Variants in ROBO1 observed in about 807,000 individuals in gnomAD.
ROBO1 encodes roundabout homolog 1.
Under a neutral mutation model 195.9 loss-of-function variants are expected in ROBO1, and 149 were observed. The ratio of observed to expected loss-of-function variants is 0.76; its 90% confidence interval spans 0.67 to 0.87. The LOEUF is 0.87. ROBO1 is among the 40% of genes least tolerant of loss of function. ROBO1 has a pLI of 0.00. For missense variants in ROBO1, 1,933 were observed against 2,068.3 expected (o/e 0.93, Z 1.27); for synonymous variants, 816 against 733.2 (o/e 1.11, Z -1.82).
At chr3:79,515,538 G>A (rs768251961) in intron 2 of ROBO1, among the ~76,000 whole-genome samples, 1 of 152,068 alleles carries the variant, frequency 6.6e-6, no homozygotes, top group East Asian at 1.9e-4. Flanking sequence ...TATCCTTAGT[G>A]TCTTATTTTT....
At chr3:79,181,816 C>T (rs1439002554) in intron 2 of ROBO1, among the ~76,000 whole-genome samples, 1 of 151,028 alleles carries the variant, frequency 6.6e-6, no homozygotes, top group Non-Finnish European at 1.5e-5. Context: ...GTCCCAGCTA[C>T]TTGGGAGGCT....
At chr3:79,463,405 A>C (rs530060692) in intron 2 of ROBO1, among the ~76,000 whole-genome samples, 2 of 149,858 alleles carry the variant, frequency 1.3e-5, no homozygotes, top group South Asian at 2.1e-4. Flanking sequence ...AAAACAAAAA[A>C]CAAAAAACCA....
intron 3 of ROBO1, among the ~76,000 whole-genome samples, chr3:79,023,765 C>T (rs966323531): frequency 8.3e-6 from 1 of 120,034 alleles, no homozygotes; most frequent in Non-Finnish European, 1.6e-5. Context: ...TGCAGTGGTG[C>T]GATCTCGGCT....
At chr3:78,909,681 ATTTTTCTTT>A (rs2038133671) in intron 4 of ROBO1, among the ~76,000 whole-genome samples, 1 of 151,712 alleles carries the variant, frequency 6.6e-6, no homozygotes, top group Non-Finnish European at 1.5e-5. Context: ...TTTTTATTTC[ATTTTTCTTT>A]TGAAAAATGT....
intron 28 of ROBO1, among the ~76,000 whole-genome samples, chr3:78,607,473 A>C (rs570652861): frequency 2.0e-5 from 3 of 152,258 alleles, no homozygotes; most frequent in African/African-American, 7.2e-5. Flanking sequence ...TTGGCTTCCT[A>C]AAGTGCTAGA....
chr3:79,745,342 T>G (rs1703828932), intron 1 of ROBO1, among the ~76,000 whole-genome samples: 1 of 152,212 alleles, frequency 6.6e-6, no homozygotes, highest in Admixed American at 6.5e-5. Flanking sequence ...GATCTCCAAT[T>G]ACCAAAAACA....
At chr3:79,627,085 A>G (rs1446140171) in intron 1 of ROBO1, among the ~76,000 whole-genome samples, 1 of 152,200 alleles carries the variant, frequency 6.6e-6, no homozygotes, top group Non-Finnish European at 1.5e-5. Context: ...AAAGTCACTT[A>G]TAGATAGAAT....
intron 1 of ROBO1, among the ~76,000 whole-genome samples, chr3:79,721,087 C>CACA (rs1702682421): frequency 6.6e-6 from 1 of 152,150 alleles, no homozygotes; most frequent in Non-Finnish European, 1.5e-5. Flanking sequence ...CCACCACACC[C>CACA]GGCCAAGGAG....
At chr3:78,871,787 T>C (rs2035566138) in intron 4 of ROBO1, among the ~76,000 whole-genome samples, 1 of 151,406 alleles carries the variant, frequency 6.6e-6, no homozygotes, top group African/African-American at 2.4e-5. Context: ...GGTTTCTGGT[T>C]TTATAAAAAA....
Position 79,557,056 on chromosome 3 carries a change from T to C in ROBO1, c.88+32768A>G, listed in dbSNP as rs180866874. ...TTATTTTTGTGGCAGACTATGACTT[T>C]TAATTCAAATAACTCTAATGATATG... is the stretch of plus-strand genomic sequence containing the variant. On this transcript the variant is annotated intron_variant, in intron 2 of 30. Transcript: ENST00000464233. Among the ~76,000 whole-genome samples, 617 of 151,384 alleles carry C rather than the reference T, an allele frequency of 4.1e-3. 2 individuals are homozygous for C. Among genetic ancestry groups the C allele is most frequent in the African/African-American group, 0.013 (528 of 41,460 alleles).
At chr3:79,129,911 T>C (rs1021388050) in intron 2 of ROBO1, among the ~76,000 whole-genome samples, 1 of 140,168 alleles carries the variant, frequency 7.1e-6, no homozygotes, top group Non-Finnish European at 1.5e-5. Context: ...CTAGCCAGTT[T>C]TCCCAGCACC....
At chr3:79,445,564 A>T (rs147261886) in intron 2 of ROBO1, among the ~76,000 whole-genome samples, 6,057 of 133,946 alleles carry the variant, frequency 0.045, 157 homozygotes, top group Middle Eastern at 0.16. Flanking sequence ...TAGTGGTGTG[A>T]TCATGGCTCA....
chr3:79,720,565 A>T (rs1271292456), intron 1 of ROBO1, among the ~76,000 whole-genome samples: 1 of 152,220 alleles, frequency 6.6e-6, no homozygotes, highest in African/African-American at 2.4e-5. Flanking sequence ...GCCATAAATT[A>T]CTGGAAAAAT....
chr3:78,829,452 T>C (rs1383449461), intron 4 of ROBO1, among the ~76,000 whole-genome samples: 1 of 152,190 alleles, frequency 6.6e-6, no homozygotes, highest in Non-Finnish European at 1.5e-5. Context: ...CAAGATTAGC[T>C]CTGTAGGCTT....
chr3:78,996,342 A>AC lies in ROBO1; in HGVS notation c.173-57416_173-57415insG, dbSNP rs1050146928. On this transcript the variant is annotated intron_variant, in intron 3 of 30. Transcript: ENST00000464233. ...ATTAAAAAAACAAAAAAAAAAAACAAAAAAAAAAAACTCCCACTTTATCTC... is the reference window on the plus strand; with the variant it reads ...ATTAAAAAAACAAAAAAAAAAAACAACAAAAAAAAAACTCCCACTTTATCTC... Among the ~76,000 whole-genome samples, 60 of 149,020 alleles carry AC rather than the reference A, an allele frequency of 4.0e-4. 1 individual carries two copies. In the East Asian group the frequency reaches 4.4e-3, roughly 11 times the overall value.
chr3:79,545,040 A>AT (rs1200685768), intron 2 of ROBO1, among the ~76,000 whole-genome samples: 12 of 152,098 alleles, frequency 7.9e-5, no homozygotes, highest in African/African-American at 1.7e-4. Context: ...GATATTTAAT[A>AT]TTTTTTTACC....
chr3:79,010,348 T>G (rs1437194956), intron 3 of ROBO1, among the ~76,000 whole-genome samples: 1 of 152,136 alleles, frequency 6.6e-6, no homozygotes, highest in Non-Finnish European at 1.5e-5. Context: ...GCTTAACTTG[T>G]TGAACCTCAT....
intron 2 of ROBO1, among the ~76,000 whole-genome samples, chr3:79,501,522 C>T (rs924390213): frequency 7.2e-5 from 11 of 152,128 alleles, no homozygotes; most frequent in African/African-American, 2.7e-4. Context: ...TTTGTTCATT[C>T]TTTCAGTGGA....
At chr3:79,606,157 TA>T (rs144166228) in intron 1 of ROBO1, among the ~76,000 whole-genome samples, 28,523 of 151,478 alleles carry the variant, frequency 0.19, 3,044 homozygotes, top group African/African-American at 0.29. Flanking sequence ...TTTACTCATT[TA>T]AAAAAAATCC....
Sources: allele counts gnomAD v4.1 joint callset (sites outside exome capture counted in the v4.1 genomes callset), GRCh38; gene constraint gnomAD v4.1.1; transcripts MANE v1.5; gene names NCBI Gene and HGNC (gene_info 2026-07-23, HGNC 2026-07-21).